Variants in RIOK1 observed in about 807,000 individuals in gnomAD.
RIOK1 encodes RIO kinase 1.
Under a neutral mutation model 73.5 loss-of-function variants are expected in RIOK1, and 66 were observed. That is an observed-to-expected ratio of 0.90 (90% confidence interval 0.74 to 1.10). The LOEUF (loss-of-function observed/expected upper bound fraction) is 1.10. Ranked by LOEUF, RIOK1 falls within the 50% of genes least tolerant of loss-of-function variation. The probability of loss-of-function intolerance (pLI) is 0.00; values close to 1 mark genes in which losing one functional copy is unlikely to be tolerated. For synonymous variants in RIOK1, 224 were observed against 226.8 expected, an observed-to-expected ratio of 0.99 and a Z score of 0.11; for missense variants, 658 against 699.8, an observed-to-expected ratio of 0.94 and a Z score of 0.67.
At chr6:7,411,234 A>G in intron 13 of RIOK1, 98 bp from the exon 14 acceptor site, 1 of 1,308,952 alleles carries the variant, frequency 7.6e-7, no homozygotes, top group Non-Finnish European at 1.1e-6. Context: ...GGGATGAATG[A>G]ATATATAGAT....
At chr6:7,404,049 T>C (rs374112837) in intron 9 of RIOK1, 22 bp downstream of exon 9, 31 of 1,471,354 alleles carry the variant, frequency 2.1e-5, no homozygotes, top group Non-Finnish European at 2.9e-5. Context: ...GAAGGGCTAA[T>C]AATTGCATTC....
chr6:7,412,913 T>C lies in RIOK1; in HGVS notation c.1414T>C (p.Leu472=), dbSNP rs1761921406. The change falls in exon 15 of 17, where the codon TTG becomes CTG. Residue 472 remains leucine (L), a synonymous_variant. Transcript: ENST00000379834. The stretch of plus-strand genomic sequence containing the variant: ...GATTCTATACCAGACTGTTACAGGA[T>C]TGAAGAAAGATTTGTCAGGAGTTCA... The part of the protein sequence containing the change: ...DNILYQTVTG[L]KKDLSGVQKV... 3 of 1,558,192 alleles carry C rather than the reference T, an allele frequency of 1.9e-6. No homozygotes were observed. The highest frequency in any genetic ancestry group is 1.4e-5 in the African/African-American group (1 of 71,426).
Position 7,394,939 on chromosome 6 carries a change from A to G in RIOK1, c.277-114A>G, listed in dbSNP as rs1392288361. The stretch of plus-strand genomic sequence containing the variant: ...TGATTGACTCTTACCTTTCCTTAAG[A>G]TACTCCTCTAAGTATTGATGCTTTA... On this transcript the variant is annotated intron_variant, in intron 2 of 16. Coordinates refer to ENST00000379834, the MANE Select transcript of RIOK1 (RefSeq NM_031480.3). 4 of 1,492,692 alleles carry G rather than the reference A, an allele frequency of 2.7e-6. No homozygotes were observed. The African/African-American group carries it at 4.2e-5, about 16-fold the overall frequency. 92.5% of individuals were successfully genotyped at this position (1,492,692 alleles called of 1,614,324 possible).
intron 5 of RIOK1, among the ~76,000 whole-genome samples, chr6:7,399,379 G>A (rs781034787): frequency 2.0e-5 from 3 of 152,042 alleles, no homozygotes; most frequent in Non-Finnish European, 2.9e-5. Flanking sequence ...GACAGAAGCC[G>A]GGTCTGTGGT....
intron 16 of RIOK1, 68 bp from the exon 17 acceptor site, chr6:7,417,263 A>G (rs911537682): frequency 3.6e-6 from 4 of 1,123,452 alleles, no homozygotes; most frequent in Non-Finnish European, 5.0e-6. Flanking sequence ...AACAAAAAAC[A>G]AAAAACAAAA....
rs761773889 is a variant in RIOK1, at chr6:7,412,945, A to G, written c.1443+3A>G. ...AAGATTTGTCAGGAGTTCAGAAGGT[A>G]TGAAGAACATGTGTTACTGTTTGTT... On this transcript the variant is annotated splice_donor_region_variant and intron_variant, in intron 15 of 16. Coordinates refer to ENST00000379834, the MANE Select transcript of RIOK1 (RefSeq NM_031480.3). 6 of 1,545,762 alleles carry G rather than the reference A, an allele frequency of 3.9e-6. No individual in the cohort carries two copies. The East Asian group carries it at 1.2e-4, about 31-fold the overall frequency.
intron 12 of RIOK1, among the ~76,000 whole-genome samples, chr6:7,409,130 C>G (rs1761823431): frequency 6.6e-6 from 1 of 151,914 alleles, no homozygotes; most frequent in Non-Finnish European, 1.5e-5. Flanking sequence ...TAAAGCAGTT[C>G]TTCTGCCTCA....
rs755385504 is a variant in RIOK1, at chr6:7,405,030, AAACGGC to A, written c.1096+12_1096+17del. On this transcript the variant is annotated intron_variant, in intron 11 of 16. Coordinates refer to ENST00000379834, the MANE Select transcript of RIOK1 (RefSeq NM_031480.3). ...TTGCGCCAACGTCAATGGTGAGTAG[AAACGGC>A]AATTTTCGAAACAGCTCATTGGTCT... 3 of 1,609,502 alleles carry A rather than the reference AAACGGC, an allele frequency of 1.9e-6. No homozygotes were observed. Among genetic ancestry groups the A allele is most frequent in the Non-Finnish European group, 2.6e-6 (3 of 1,176,366 alleles).
chr6:7,396,456 A>G (rs1374171733), intron 3 of RIOK1, among the ~76,000 whole-genome samples: 1 of 152,226 alleles, frequency 6.6e-6, no homozygotes, highest in African/African-American at 2.4e-5. Flanking sequence ...GAATTTCTGC[A>G]TCTAGAATTC....
Position 7,402,811 on chromosome 6 carries a change from T to C in RIOK1, c.687-6T>C. 6.2e-7 allele frequency: 1 copy of C among 1,609,986 alleles called. No homozygotes were observed. The highest frequency in any genetic ancestry group is 8.5e-7 in the Non-Finnish European group (1 of 1,177,598). On this transcript the variant is annotated splice_polypyrimidine_tract_variant and splice_region_variant and intron_variant, in intron 7 of 16. Transcript: ENST00000379834. ...ATTGAAATAATAAACATTTTTCTTA[T>C]TCAAGATTTCGTCATGGCTATTGTA...
chr6:7,409,214 T>A (rs1561880331), intron 12 of RIOK1, among the ~76,000 whole-genome samples: 1 of 1,280 alleles, frequency 7.8e-4, no homozygotes, highest in Non-Finnish European at 1.4e-3. Flanking sequence ...CCCGACTAAT[T>A]GTGTGTGTGT....
rs1186033688 is a variant in RIOK1, at chr6:7,404,560, G to A, written c.992+5G>A. 1.9e-6 allele frequency: 3 copies of A among 1,613,528 alleles called. No individual in the cohort carries two copies. Among genetic ancestry groups the A allele is most frequent in the Non-Finnish European group, 8.5e-7 (1 of 1,179,676 alleles). ...TCTCAGTGAATTTAACATGCTGTGA[G>A]TGTATTTTGTCTCTTAAGAACTGCC... On this transcript the variant is annotated splice_donor_5th_base_variant and intron_variant, in intron 10 of 16. Transcript: ENST00000379834.
At chr6:7,401,804 G>C (rs934121923) in intron 6 of RIOK1, among the ~76,000 whole-genome samples, 1 of 144,488 alleles carries the variant, frequency 6.9e-6, no homozygotes, top group Admixed American at 7.2e-5. Flanking sequence ...TCACCCTCCC[G>C]AATAGCTGGG....
At chr6:7,414,160 G>T in intron 15 of RIOK1, 78 bp from the exon 16 acceptor site, 1 of 1,343,326 alleles carries the variant, frequency 7.4e-7, no homozygotes, top group Non-Finnish European at 1.0e-6. Flanking sequence ...CTGAATTCTG[G>T]CATTAACACA....
chr6:7,408,538 CTTA>C (rs1345077979), intron 12 of RIOK1, among the ~76,000 whole-genome samples: 2 of 152,110 alleles, frequency 1.3e-5, no homozygotes, highest in Non-Finnish European at 2.9e-5. Flanking sequence ...CACTGTGTCA[CTTA>C]TTATACTAAG....
At chr6:7,405,668 A>G (rs1351063291) in intron 12 of RIOK1, among the ~76,000 whole-genome samples, 1 of 151,864 alleles carries the variant, frequency 6.6e-6, no homozygotes, top group Non-Finnish European at 1.5e-5. Flanking sequence ...AGGGACCCAG[A>G]TTGCATAGTG....
chr6:7,393,495 C>A (rs775608636), intron 2 of RIOK1, among the ~76,000 whole-genome samples, 192 bp downstream of exon 2: 66 of 152,108 alleles, frequency 4.3e-4, no homozygotes, highest in Non-Finnish European at 8.5e-4. Flanking sequence ...GGTGTGGATT[C>A]TTTCCAGAAT....
rs1454259771 is a variant in RIOK1, at chr6:7,414,227, A to G, written c.1444-11A>G. On this transcript the variant is annotated splice_polypyrimidine_tract_variant and intron_variant, in intron 15 of 16. Transcript: ENST00000379834. The stretch of plus-strand genomic sequence containing the variant: ...TTGTTTAGAATAACATGGTTCTTTA[A>G]TAATTTCAAGGTCCCTGCACTCCTA... 6.3e-7 allele frequency: 1 copy of G among 1,597,848 alleles called. No individual in the cohort carries two copies. The highest frequency in any genetic ancestry group is 1.4e-5 in the African/African-American group (1 of 73,858).
chr6:7,406,904 C>T (rs1278398552), intron 12 of RIOK1, among the ~76,000 whole-genome samples: 3 of 152,190 alleles, frequency 2.0e-5, no homozygotes, highest in Non-Finnish European at 2.9e-5. Flanking sequence ...TTAAGTGACC[C>T]GCCTGCATCG....
Sources: gnomAD v4.1 joint callset for allele counts (sites outside exome capture counted in the v4.1 genomes callset) on GRCh38, gnomAD v4.1.1 for gene constraint, MANE v1.5 for transcripts, NCBI Gene and HGNC (gene_info 2026-07-23, HGNC 2026-07-21) for gene names.